ABL1: variants seen among roughly 807,000 people sequenced by gnomAD.
ABL1 encodes the protein tyrosine-protein kinase ABL1.
In ABL1, 11 loss-of-function variants were observed where a neutral mutation model predicts 94.7. The observed-to-expected ratio is 0.12, with a 90% CI of 0.07 to 0.19. The LOEUF is 0.19. ABL1 is among the 10% of genes least tolerant of loss of function. The pLI is 1.00. For synonymous variants in ABL1, 656 were observed against 622.4 expected (o/e 1.05, Z -0.80); for missense variants, 1,082 against 1,489.4 (o/e 0.73, Z 4.50).
intron 10 of ABL1, among the ~76,000 whole-genome samples, chr9:130,883,663 A>C (rs1242229751): frequency 6.6e-6 from 1 of 152,200 alleles, no homozygotes; most frequent in Non-Finnish European, 1.5e-5. Flanking sequence ...GACAAGGCCA[A>C]GCAAAGGGTC....
intron 1 of ABL1, among the ~76,000 whole-genome samples, chr9:130,840,830 C>T (rs1437132949): frequency 6.6e-6 from 1 of 151,900 alleles, no homozygotes; most frequent in Non-Finnish European, 1.5e-5. Flanking sequence ...AAAACTGTCT[C>T]AAAAGTAGAC....
chr9:130,798,695 A>G (rs1328711469), intron 1 of ABL1, among the ~76,000 whole-genome samples: 3 of 152,102 alleles, frequency 2.0e-5, no homozygotes, highest in Non-Finnish European at 4.4e-5. Flanking sequence ...GGGGCCGGGC[A>G]TGGTGACTCA....
chr9:130,801,942 A>G (rs918629641), intron 1 of ABL1, among the ~76,000 whole-genome samples: 8 of 152,012 alleles, frequency 5.3e-5, no homozygotes, highest in African/African-American at 1.9e-4. Context: ...GTATCTGCGT[A>G]TCATTAAGTT....
At chr9:130,829,089 A>G (rs904008826) in intron 1 of ABL1, among the ~76,000 whole-genome samples, 1 of 152,256 alleles carries the variant, frequency 6.6e-6, no homozygotes, top group Non-Finnish European at 1.5e-5. Context: ...ACTAGATAGT[A>G]GCAGATAAAT....
At chr9:130,834,435 G>A (rs1206692946), upstream of ABL1, among the ~76,000 whole-genome samples, 3 of 152,096 alleles carry the variant, frequency 2.0e-5, no homozygotes, top group African/African-American at 7.2e-5. Context: ...CCAGTAACAC[G>A]ACTGTGATTG....
intron 1 of ABL1, among the ~76,000 whole-genome samples, chr9:130,808,369 G>A (rs1282717081): frequency 5.3e-5 from 8 of 151,278 alleles, no homozygotes; most frequent in East Asian, 2.0e-4. Flanking sequence ...TCAGCCTCCC[G>A]AGTAACTGGG....
At chr9:130,843,335 T>C (rs1588263124) in intron 1 of ABL1, among the ~76,000 whole-genome samples, 1 of 152,296 alleles carries the variant, frequency 6.6e-6, no homozygotes, top group East Asian at 1.9e-4. Context: ...AGCATCCCAG[T>C]GTCAGGTGCC....
intron 1 of ABL1, among the ~76,000 whole-genome samples, chr9:130,748,257 C>T (rs536340491): frequency 6.6e-6 from 1 of 152,258 alleles, no homozygotes; most frequent in Non-Finnish European, 1.5e-5. Context: ...AAGAACATTG[C>T]TGTCTTAAGC....
chr9:130,739,242 T>C (rs1263608465), intron 1 of ABL1, among the ~76,000 whole-genome samples: 1 of 152,286 alleles, frequency 6.6e-6, no homozygotes, highest in East Asian at 1.9e-4. Context: ...TTGTTAGTGG[T>C]AAGCTGCCTT....
chr9:130,750,189 AT>A, intron 1 of ABL1, among the ~76,000 whole-genome samples: 1 of 69,786 alleles, frequency 1.4e-5, no homozygotes, highest in East Asian at 6.2e-4. Context: ...GAAAAAAAAA[AT>A]ACATATATAT....
chr9:130,795,437 C>T (rs774041026), intron 1 of ABL1, among the ~76,000 whole-genome samples: 9 of 152,144 alleles, frequency 5.9e-5, no homozygotes, highest in African/African-American at 9.7e-5. Flanking sequence ...TGTGCTCGCA[C>T]GACAGATTAG....
chr9:130,785,622 G>A (rs957669398), intron 1 of ABL1, among the ~76,000 whole-genome samples: 11 of 152,016 alleles, frequency 7.2e-5, no homozygotes, highest in African/African-American at 2.7e-4. Flanking sequence ...TTACTCTTCT[G>A]TCATTTGTTA....
At chr9:130,876,992 C>T (rs1398418243) in intron 7 of ABL1, among the ~76,000 whole-genome samples, 1 of 147,986 alleles carries the variant, frequency 6.8e-6, no homozygotes, top group Non-Finnish European at 1.5e-5. Flanking sequence ...CCACCTTGGC[C>T]TCCCAAAGTG....
Position 130,795,679 on chromosome 9 carries a change from C to T in ABL1, c.137-58385C>T, listed in dbSNP as rs7870374. On this transcript the variant is annotated intron_variant, in intron 1 of 10. Transcript: ENST00000372348. ...GTATTTTTCACTTTGTAAACATGAACAATTCTTAACAAAAAAGCCAGAGCT... is the reference window on the plus strand; with the variant it reads ...GTATTTTTCACTTTGTAAACATGAATAATTCTTAACAAAAAAGCCAGAGCT... Among the ~76,000 whole-genome samples the T allele has an allele frequency of 6.8e-3, 1,028 of 152,148 alleles. 14 individuals are homozygous for T. Among genetic ancestry groups the T allele is most frequent in the African/African-American group, 0.023 (962 of 41,518 alleles).
chr9:130,805,501 G>T lies in ABL1; in HGVS notation c.137-48563G>T, dbSNP rs187215235. ...TTTACTTGTACTAGATATTTCTTCG[G>T]TATATTCATAATGACAGAACAATTG... On this transcript the variant is annotated intron_variant, in intron 1 of 10. Coordinates refer to the ABL1 transcript ENST00000372348. Among the ~76,000 whole-genome samples, 129 of 152,218 alleles carry T rather than the reference G, an allele frequency of 8.5e-4. 1 individual carries two copies. The highest frequency in any genetic ancestry group is 3.0e-3 in the African/African-American group (126 of 41,528).
intron 1 of ABL1, among the ~76,000 whole-genome samples, chr9:130,786,398 T>C (rs947655649): frequency 6.6e-6 from 1 of 152,216 alleles, no homozygotes; most frequent in Non-Finnish European, 1.5e-5. Context: ...AGTTTGACCC[T>C]GTGATTAGAC....
At chr9:130,813,561 C>CAAAAAA (rs57194587) in intron 1 of ABL1, among the ~76,000 whole-genome samples, 24 of 60,630 alleles carry the variant, frequency 4.0e-4, no homozygotes, top group Non-Finnish European at 5.8e-4. Flanking sequence ...ACTCCATCTC[C>CAAAAAA]AAAAAAAAAA....
chr9:130,853,895 G>GT (rs1451429064), intron 1 of ABL1, among the ~76,000 whole-genome samples, 169 bp from the exon 2 acceptor site: 1 of 152,184 alleles, frequency 6.6e-6, no homozygotes, highest in Admixed American at 6.5e-5. Context: ...TAAAGGAAGA[G>GT]TTTTTTAAAA....
intron 1 of ABL1, among the ~76,000 whole-genome samples, chr9:130,796,867 C>G (rs919202168): frequency 7.0e-6 from 1 of 143,718 alleles, no homozygotes; most frequent in African/African-American, 2.6e-5. Context: ...TTGCGGTGAG[C>G]TGAGATCACG....
Sources: gnomAD v4.1 joint callset for allele counts (sites outside exome capture counted in the v4.1 genomes callset) on GRCh38, gnomAD v4.1.1 for gene constraint, MANE v1.5 for transcripts, NCBI Gene and HGNC (gene_info 2026-07-23, HGNC 2026-07-21) for gene names.